Variants in CDH13 observed in about 807,000 individuals in gnomAD.
CDH13 encodes the protein cadherin 13, also known as cadherin-13.
CDH13 carries 24 observed loss-of-function variants against 63.8 expected under a neutral mutation model. The ratio of observed to expected loss-of-function variants is 0.38; its 90% CI spans 0.27 to 0.53. The LOEUF is 0.53. CDH13 is among the 20% of genes least tolerant of loss of function. The pLI is 0.85. For missense variants in CDH13, 1,049 were observed against 903.1 expected, an observed-to-expected ratio of 1.16 and a Z score of -2.07; for synonymous variants, 503 against 355.3, an observed-to-expected ratio of 1.42 and a Z score of -4.67.
intron 3 of CDH13, among the ~76,000 whole-genome samples, chr16:83,044,223 A>G (rs1917579801): frequency 2.0e-5 from 3 of 152,228 alleles, no homozygotes; most frequent in Admixed American, 6.5e-5. Flanking sequence ...GCCATCATCC[A>G]TCAGTAAGTG....
intron 3 of CDH13, among the ~76,000 whole-genome samples, chr16:83,063,945 G>C (rs1345989251): frequency 6.6e-6 from 1 of 152,182 alleles, no homozygotes; most frequent in Non-Finnish European, 1.5e-5. Flanking sequence ...GGAAGGGACA[G>C]AATCAAGATT....
intron 5 of CDH13, among the ~76,000 whole-genome samples, chr16:83,245,729 CTTTTA>C (rs1400648275): frequency 6.6e-6 from 1 of 151,872 alleles, no homozygotes; most frequent in Non-Finnish European, 1.5e-5. Flanking sequence ...AATTTTTTTC[CTTTTA>C]TTTTAGTTTA....
intron 7 of CDH13, among the ~76,000 whole-genome samples, chr16:83,597,906 A>C (rs1280699706): frequency 6.6e-6 from 1 of 152,114 alleles, no homozygotes. Flanking sequence ...CTAAGCTTTG[A>C]TTTATTTTAT....
At chr16:82,997,373 G>C (rs1912363383) in intron 2 of CDH13, among the ~76,000 whole-genome samples, 1 of 152,138 alleles carries the variant, frequency 6.6e-6, no homozygotes, top group African/African-American at 2.4e-5. Flanking sequence ...CTAGAGTGAG[G>C]TGAATGAGGT....
intron 7 of CDH13, among the ~76,000 whole-genome samples, chr16:83,601,970 G>A (rs1907837946): frequency 6.6e-6 from 1 of 151,238 alleles, no homozygotes; most frequent in South Asian, 2.1e-4. Flanking sequence ...ATGGGCGCCT[G>A]TAATCCCAGC....
chr16:83,741,555 A>G (rs986488581), intron 10 of CDH13, among the ~76,000 whole-genome samples: 1 of 151,996 alleles, frequency 6.6e-6, no homozygotes, highest in Non-Finnish European at 1.5e-5. Flanking sequence ...ATAGAGATAG[A>G]TCCATCTTCC....
At chr16:83,449,160 G>T (rs760269466) in intron 6 of CDH13, among the ~76,000 whole-genome samples, 2 of 152,168 alleles carry the variant, frequency 1.3e-5, no homozygotes, top group Admixed American at 6.5e-5. Flanking sequence ...AATCAGCCCG[G>T]ATGGAATTCG....
intron 1 of CDH13, among the ~76,000 whole-genome samples, chr16:82,802,809 C>T (rs1165105114): frequency 6.6e-6 from 1 of 152,198 alleles, no homozygotes; most frequent in African/African-American, 2.4e-5. Flanking sequence ...GGAAAGTGCA[C>T]TGTAAGTTAC....
intron 6 of CDH13, among the ~76,000 whole-genome samples, chr16:83,441,811 C>G (rs1299096908): frequency 6.6e-6 from 1 of 152,152 alleles, no homozygotes; most frequent in Non-Finnish European, 1.5e-5. Flanking sequence ...ACCCTATACT[C>G]TACTCCAAAA....
chr16:83,192,030 G>C (rs542469764), intron 4 of CDH13, among the ~76,000 whole-genome samples: 4 of 152,246 alleles, frequency 2.6e-5, no homozygotes, highest in Admixed American at 2.6e-4. Context: ...GGATAGTTAA[G>C]GCACCTGAAG....
In CDH13 at chr16:82,772,213, C is replaced by T. The variant is rs539894075; in HGVS notation, c.46-86149C>T. Among the ~76,000 whole-genome samples, 12 of 152,220 alleles carry T rather than the reference C, an allele frequency of 7.9e-5. No individual in the cohort carries two copies. The East Asian group carries it at 2.1e-3, about 27-fold the overall frequency. On this transcript the variant is annotated intron_variant, in intron 1 of 13. Transcript: ENST00000567109. Reference sequence around the variant, plus strand: ...TATCTACACCATGGAAATTGGCCAACATTACAAATTAGGGCTCCCTTCCCT... The same window carrying T: ...TATCTACACCATGGAAATTGGCCAATATTACAAATTAGGGCTCCCTTCCCT...
chr16:82,657,330 G>A (rs1340901967), intron 1 of CDH13, among the ~76,000 whole-genome samples: 2 of 152,178 alleles, frequency 1.3e-5, no homozygotes. Context: ...ATCTGTTGTA[G>A]CGCACTCACC....
chr16:83,356,350 A>G (rs2091056787), intron 6 of CDH13, among the ~76,000 whole-genome samples: 1 of 151,842 alleles, frequency 6.6e-6, no homozygotes, highest in Non-Finnish European at 1.5e-5. Context: ...CACGCAGCCC[A>G]TCCTTACTGG....
chr16:82,960,636 A>G (rs1156957600), intron 2 of CDH13, among the ~76,000 whole-genome samples: 5 of 152,146 alleles, frequency 3.3e-5, no homozygotes, highest in Non-Finnish European at 5.9e-5. Flanking sequence ...TTCAGTTTCC[A>G]TTTCGGTATA....
chr16:82,733,469 G>C (rs981793670), intron 1 of CDH13, among the ~76,000 whole-genome samples: 7 of 152,172 alleles, frequency 4.6e-5, no homozygotes, highest in African/African-American at 2.4e-5. Context: ...TCTCTGGGAA[G>C]AATACTAACC....
intron 10 of CDH13, among the ~76,000 whole-genome samples, chr16:83,684,769 T>G (rs1822060851): frequency 6.6e-6 from 1 of 152,226 alleles, no homozygotes; most frequent in Admixed American, 6.5e-5. Context: ...AAAGGGTCAT[T>G]CATCCAGGGA....
At chr16:83,623,762 C>T (rs1373329099) in intron 8 of CDH13, among the ~76,000 whole-genome samples, 2 of 152,196 alleles carry the variant, frequency 1.3e-5, no homozygotes, top group Non-Finnish European at 1.5e-5. Flanking sequence ...CAAACCCAAA[C>T]AAACTGAATT....
intron 3 of CDH13, among the ~76,000 whole-genome samples, chr16:83,063,146 G>C (rs1031378720): frequency 4.6e-5 from 7 of 152,074 alleles, no homozygotes; most frequent in African/African-American, 1.7e-4. Context: ...ATTTTTAGTA[G>C]AGACAGGGTT....
chr16:83,248,914 C>G (rs1905223281), intron 5 of CDH13, among the ~76,000 whole-genome samples: 2 of 152,166 alleles, frequency 1.3e-5, no homozygotes, highest in Non-Finnish European at 2.9e-5. Context: ...GGTGCATATC[C>G]AAACTGAACT....
Sources: allele counts gnomAD v4.1 joint callset (sites outside exome capture counted in the v4.1 genomes callset), GRCh38; gene constraint gnomAD v4.1.1; transcripts MANE v1.5; gene names NCBI Gene and HGNC (gene_info 2026-07-23, HGNC 2026-07-21).